Variants in USP15 observed in about 807,000 individuals in gnomAD.
USP15 encodes the protein ubiquitin specific peptidase 15, also known as ubiquitin carboxyl-terminal hydrolase 15.
A neutral mutation model predicts 127.1 loss-of-function variants in USP15; 18 were observed. The ratio of observed to expected loss-of-function variants is 0.14; its 90% CI spans 0.10 to 0.21. USP15 has a LOEUF of 0.21. USP15 is among the 10% of genes least tolerant of loss of function. USP15 has a pLI of 1.00. For synonymous variants in USP15, 364 were observed against 393.7 expected, an observed-to-expected ratio of 0.92 and a Z score of 0.89; for missense variants, 805 against 1,159.9, an observed-to-expected ratio of 0.69 and a Z score of 4.44.
At chr12:62,380,976 A>G (rs1398242449) in intron 8 of USP15, among the ~76,000 whole-genome samples, 1 of 152,106 alleles carries the variant, frequency 6.6e-6, no homozygotes, top group Admixed American at 6.6e-5. Context: ...GGCTCAAGTA[A>G]TCTGTACTGT....
intron 7 of USP15, among the ~76,000 whole-genome samples, chr12:62,352,387 T>C (rs1207135190): frequency 3.3e-5 from 5 of 152,030 alleles, no homozygotes; most frequent in Admixed American, 2.0e-4. Context: ...AGTTATAATT[T>C]AAGTACATTT....
At chr12:62,398,147 C>T (rs2067557239) in intron 20 of USP15, among the ~76,000 whole-genome samples, 1 of 151,734 alleles carries the variant, frequency 6.6e-6, no homozygotes, top group African/African-American at 2.4e-5. Flanking sequence ...CATGCCACCA[C>T]ACCCAGCTAA....
At chr12:62,374,540 T>C in intron 8 of USP15, 1 of 985,780 alleles carries the variant, frequency 1.0e-6, no homozygotes, top group Non-Finnish European at 1.2e-6. Context: ...TTCCAGGTAC[T>C]GGGGAAATTC....
At chr12:62,374,857 A>G (rs2066775027) in intron 8 of USP15, among the ~76,000 whole-genome samples, 1 of 152,120 alleles carries the variant, frequency 6.6e-6, no homozygotes, top group Non-Finnish European at 1.5e-5. Context: ...TGTGCAATGC[A>G]TTGCATCTTT....
At chr12:62,295,820 G>T (rs1267977998) in intron 2 of USP15, among the ~76,000 whole-genome samples, 1 of 152,164 alleles carries the variant, frequency 6.6e-6, no homozygotes, top group Admixed American at 6.5e-5. Flanking sequence ...ACCAGGCTGT[G>T]GTAAGCAAGA....
intron 8 of USP15, among the ~76,000 whole-genome samples, chr12:62,361,508 G>C (rs2066314030): frequency 1.3e-5 from 2 of 151,876 alleles, no homozygotes; most frequent in South Asian, 4.2e-4. Flanking sequence ...GCTAGGAAAG[G>C]CCAACACCAA....
rs1379064460 is a variant in USP15, at chr12:62,412,745, C to A, written c.*8370C>A. On this transcript the variant is annotated 3_prime_UTR_variant, in exon 22 of 22. Transcript: ENST00000280377. Reference sequence around the variant, plus strand: ...ACATCTTCAGGCTCCACTTGTAGTTCTCTTGCTATTTTCACCGCATCTGCA... The same window carrying A: ...ACATCTTCAGGCTCCACTTGTAGTTATCTTGCTATTTTCACCGCATCTGCA... 1 of 152,204 alleles carries A rather than the reference C, an allele frequency of 6.6e-6. No individual in the cohort carries two copies. Among genetic ancestry groups the A allele is most frequent in the Non-Finnish European group, 1.5e-5 (1 of 68,034 alleles). 9.4% of individuals were successfully genotyped at this position (152,204 alleles called of 1,614,324 possible). A position where few individuals can be genotyped will look rare whatever the true frequency, so the allele number is the denominator to read the frequency against.
intron 1 of USP15, among the ~76,000 whole-genome samples, chr12:62,273,746 A>G (rs974525463): frequency 1.4e-4 from 22 of 152,022 alleles, no homozygotes; most frequent in Admixed American, 1.1e-3. Context: ...TGATGTGAAA[A>G]CATGAATCTC....
intron 4 of USP15, among the ~76,000 whole-genome samples, chr12:62,320,084 AAG>A (rs1284657623): frequency 6.6e-6 from 1 of 152,050 alleles, no homozygotes; most frequent in African/African-American, 2.4e-5. Flanking sequence ...AAAGAACAAA[AAG>A]AAAAAAATAC....
At chr12:62,367,687 A>ATT (rs1362816923) in intron 8 of USP15, among the ~76,000 whole-genome samples, 1 of 150,432 alleles carries the variant, frequency 6.6e-6, no homozygotes, top group Non-Finnish European at 1.5e-5. Flanking sequence ...CGTCTTTTTG[A>ATT]TTCTTCTCTC....
chr12:62,283,351 A>G (rs946476020), intron 1 of USP15, among the ~76,000 whole-genome samples: 59 of 152,316 alleles, frequency 3.9e-4, no homozygotes, highest in African/African-American at 1.3e-3. Flanking sequence ...GTATTTATCA[A>G]AAACCTACAG....
chr12:62,309,853 T>A (rs988686575), intron 3 of USP15, among the ~76,000 whole-genome samples: 4 of 151,478 alleles, frequency 2.6e-5, no homozygotes, highest in East Asian at 1.9e-4. Flanking sequence ...AAAAAAAAAC[T>A]CCTAGAAAAC....
intron 1 of USP15, among the ~76,000 whole-genome samples, chr12:62,284,966 A>T (rs2063748311): frequency 6.6e-6 from 1 of 152,158 alleles, no homozygotes; most frequent in African/African-American, 2.4e-5. Context: ...GCTGTATCAC[A>T]CTTTTGAAAT....
intron 1 of USP15, among the ~76,000 whole-genome samples, chr12:62,270,791 G>A (rs2063330588): frequency 1.3e-5 from 2 of 151,996 alleles, no homozygotes; most frequent in Admixed American, 1.3e-4. Flanking sequence ...TTTCAAGTTT[G>A]TTTTGGCCCT....
chr12:62,314,932 G>A lies in USP15; in HGVS notation c.475+16G>A. On this transcript the variant is annotated intron_variant, in intron 4 of 21. Transcript: ENST00000280377. ...GACACAATAGGTAATGCAAGATCCT[G>A]TCTTGTTTTTAATCCATTGCTATTA... 1.9e-6 allele frequency: 3 copies of A among 1,551,038 alleles called. No homozygotes were observed. The highest frequency in any genetic ancestry group is 2.6e-6 in the Non-Finnish European group (3 of 1,149,556).
chr12:62,296,894 C>T (rs890531498), intron 2 of USP15, among the ~76,000 whole-genome samples: 4 of 152,170 alleles, frequency 2.6e-5, no homozygotes, highest in African/African-American at 9.7e-5. Context: ...TACTACCCAA[C>T]AGGCCAGTTT....
In USP15 at chr12:62,405,590, C is replaced by T. The variant is rs2067839399; in HGVS notation, c.*1215C>T. On this transcript the variant is annotated 3_prime_UTR_variant, in exon 22 of 22. Coordinates refer to ENST00000280377, the MANE Select transcript of USP15 (RefSeq NM_001252078.2). ...ACATTTGAAACATTTTTATTTGCTG[C>T]TTTTTCCCTTTGATATAGTTGAAAG... 1 of 152,542 alleles carries T rather than the reference C, an allele frequency of 6.6e-6. No individual in the cohort carries two copies. Among genetic ancestry groups the T allele is most frequent in the Non-Finnish European group, 1.5e-5 (1 of 67,982 alleles). 9.4% of individuals were successfully genotyped at this position (152,542 alleles called of 1,614,324 possible).
chr12:62,358,164 A>G (rs955325958), intron 8 of USP15, among the ~76,000 whole-genome samples: 2 of 152,158 alleles, frequency 1.3e-5, no homozygotes, highest in Non-Finnish European at 2.9e-5. Context: ...TATGTTAAAA[A>G]AAAAAGAGTG....
At chr12:62,264,308 T>C (rs2063145570) in intron 1 of USP15, among the ~76,000 whole-genome samples, 1 of 152,176 alleles carries the variant, frequency 6.6e-6, no homozygotes, top group Non-Finnish European at 1.5e-5. Flanking sequence ...TTTAAAGAAA[T>C]GGGCCTATTA....
Sources: gnomAD v4.1 joint callset for allele counts (sites outside exome capture counted in the v4.1 genomes callset) on GRCh38, gnomAD v4.1.1 for gene constraint, MANE v1.5 for transcripts, NCBI Gene and HGNC (gene_info 2026-07-23, HGNC 2026-07-21) for gene names.